CHD8: variants seen among roughly 807,000 people sequenced by gnomAD.
CHD8 encodes chromodomain helicase DNA binding protein 8, also known as ATP-dependent chromatin remodeler CHD8.
In CHD8, 31 loss-of-function variants were observed where a neutral mutation model predicts 279.2. The ratio of observed to expected loss-of-function variants is 0.11; its 90% CI spans 0.08 to 0.15. The LOEUF (loss-of-function observed/expected upper bound fraction) is 0.15, where lower values mean the gene tolerates loss of function less well. CHD8 is among the 10% of genes least tolerant of loss of function. The pLI is 1.00. For missense variants in CHD8, 2,146 were observed against 3,230.5 expected (o/e 0.66, Z 8.14); for synonymous variants, 1,081 against 1,139.6 (o/e 0.95, Z 1.04).
At chr14:21,444,218 A>G (rs886917889) in intron 1 of CHD8, among the ~76,000 whole-genome samples, 1 of 152,270 alleles carries the variant, frequency 6.6e-6, no homozygotes, top group South Asian at 2.1e-4. Flanking sequence ...TGCTTGACAC[A>G]TAACCACTAA....
At chr14:21,444,580 G>A (rs768323485) in intron 1 of CHD8, among the ~76,000 whole-genome samples, 17 of 152,050 alleles carry the variant, frequency 1.1e-4, no homozygotes, top group South Asian at 2.1e-4. Flanking sequence ...CACTCTAAAG[G>A]ATCCAAGGAA....
At chr14:21,427,307 A>G (rs1156756654) in intron 4 of CHD8, 3 of 468,708 alleles carry the variant, frequency 6.4e-6, no homozygotes, top group Non-Finnish European at 6.1e-6. Flanking sequence ...CCATCCCAAT[A>G]GCAAGGAGCA....
chr14:21,391,447 T>C lies in CHD8; in HGVS notation c.7065+16A>G. The C allele has an allele frequency of 6.2e-7, 1 of 1,611,676 alleles. No homozygotes were observed. The highest frequency in any genetic ancestry group is 8.5e-7 in the Non-Finnish European group (1 of 1,178,698). ...AGGAATGACTTTAAATCTTGCTGGA[T>C]GGGACTGCCACTCACCGCTAGAAAT... On this transcript the variant is annotated intron_variant, in intron 36 of 37. Transcript: ENST00000646647.
At chr14:21,452,430 G>A (rs1454135777) in intron 1 of CHD8, among the ~76,000 whole-genome samples, 2 of 152,064 alleles carry the variant, frequency 1.3e-5, no homozygotes, top group African/African-American at 2.4e-5. Context: ...ATCAGCCTGA[G>A]GTCAGGAGTT....
At position 21,392,686 on chromosome 14, in the gene CHD8, G is replaced by C. The variant is rs966821898; in HGVS notation, c.6592C>G (p.Leu2198Val). 2 of 1,613,896 alleles carry C rather than the reference G, an allele frequency of 1.2e-6. No individual in the cohort carries two copies. Among genetic ancestry groups the C allele is most frequent in the Non-Finnish European group, 1.7e-6 (2 of 1,179,908 alleles). ...GGILGPGNHL[L>V]DSPSLTPGEY... ...CCAGGAGTCAATGAGGGACTGTCTAGCAAGTGGTTGCCTGGCCCCAAAATT... is the reference window on the plus strand; with the variant it reads ...CCAGGAGTCAATGAGGGACTGTCTACCAAGTGGTTGCCTGGCCCCAAAATT... Residue 2198 changes from leucine (L) to valine (V), a missense_variant, in exon 34 of 38, where the codon CTA becomes GTA. Coordinates refer to ENST00000646647, the MANE Select transcript of CHD8 (RefSeq NM_001170629.2).
intron 1 of CHD8, chr14:21,454,808 A>T (rs1422285960): frequency 6.6e-6 from 1 of 152,234 alleles, no homozygotes; most frequent in African/African-American, 2.4e-5. Context: ...AGTACTTGAA[A>T]TAAGTTTCTC....
chr14:21,455,830 C>T (rs932860297), intron 1 of CHD8, among the ~76,000 whole-genome samples: 1 of 152,072 alleles, frequency 6.6e-6, no homozygotes, highest in Non-Finnish European at 1.5e-5. Flanking sequence ...CGCGGCCCGG[C>T]AGCCACCCTC....
intron 1 of CHD8, among the ~76,000 whole-genome samples, chr14:21,451,553 C>T (rs1013587707): frequency 9.4e-6 from 1 of 106,846 alleles, no homozygotes; most frequent in Non-Finnish European, 1.7e-5. Flanking sequence ...GCCTGGGCAA[C>T]AGAGTGAGAC....
intron 1 of CHD8, among the ~76,000 whole-genome samples, chr14:21,449,038 G>C (rs1165756375): frequency 1.3e-5 from 2 of 152,022 alleles, no homozygotes; most frequent in African/African-American, 4.8e-5. Context: ...GCCGGGCGTG[G>C]TGGCGGGCGC....
intron 1 of CHD8, among the ~76,000 whole-genome samples, chr14:21,452,732 T>C (rs530644973): frequency 3.5e-4 from 53 of 151,646 alleles, no homozygotes; most frequent in African/African-American, 1.2e-3. Context: ...ACGCCTGTAA[T>C]CCCAGCGATT....
chr14:21,391,107 C>T (rs1042241623), intron 36 of CHD8, 44 bp from the exon 37 acceptor site: 3 of 1,194,452 alleles, frequency 2.5e-6, no homozygotes, highest in East Asian at 5.1e-5. Flanking sequence ...TAGAAATCTT[C>T]TCTGGAGTAA....
rs1358583633 is a variant in CHD8, at chr14:21,403,718, T to C, written c.3308-55A>G. On this transcript the variant is annotated intron_variant, in intron 16 of 37. Transcript: ENST00000646647. The surrounding 1 kb of genome is among the most constrained non-coding windows in gnomAD (Gnocchi z 4.3). ...GATCCAGTGAACCATATTAAGGTTG[T>C]AGTCTATTTAACTAAGAAAGCAAAA... 4.3e-6 allele frequency: 6 copies of C among 1,400,382 alleles called. No individual in the cohort carries two copies. The highest frequency in any genetic ancestry group is 2.0e-5 in the Admixed American group (1 of 49,754). 86.7% of individuals were successfully genotyped at this position (1,400,382 alleles called of 1,614,324 possible). A position where few individuals can be genotyped will look rare whatever the true frequency, so the allele number is the denominator to read the frequency against.
In CHD8 at chr14:21,406,805, A is replaced by G. The variant is rs1888272569; in HGVS notation, c.2907+51T>C. On this transcript the variant is annotated intron_variant, in intron 14 of 37. Coordinates refer to ENST00000646647, the MANE Select transcript of CHD8 (RefSeq NM_001170629.2). ...CTAGGGTTATTTTAATACCGCAAGGAATTACGGTTTATTCCAGGTGTTTCT... is the reference window on the plus strand; with the variant it reads ...CTAGGGTTATTTTAATACCGCAAGGGATTACGGTTTATTCCAGGTGTTTCT... The G allele has an allele frequency of 2.7e-6, 4 of 1,489,456 alleles. No individual in the cohort carries two copies. The East Asian group carries it at 9.1e-5, about 34-fold the overall frequency. 92.3% of individuals were successfully genotyped at this position (1,489,456 alleles called of 1,614,324 possible).
chr14:21,430,844 G>T lies in CHD8; in HGVS notation c.800C>A (p.Pro267His). 1 of 1,599,286 alleles carries T rather than the reference G, an allele frequency of 6.3e-7. No individual in the cohort carries two copies. The highest frequency in any genetic ancestry group is 8.5e-7 in the Non-Finnish European group (1 of 1,179,676). Residue 267 changes from proline to histidine, a missense_variant, in exon 2 of 38, where the codon CCC becomes CAC. Physicochemically the swap from Pro to His is moderately conservative, Grantham distance 77 (BLOSUM62 -2). This residue lies in a region of CHD8 where 302 missense variants were observed against 325.5 expected (regional missense o/e 0.93). Transcript: ENST00000646647. ...APAGNPGATGPPLKPAVTLTS... is the reference protein window; with the variant it reads ...APAGNPGATGHPLKPAVTLTS... The stretch of plus-strand genomic sequence containing the variant: ...CAGTGTAACTGCAGGCTTCAGTGGG[G>T]GCCCTGTGGCCCCAGGGTTTCCAGC...
chr14:21,447,528 C>T (rs754869957), intron 1 of CHD8, among the ~76,000 whole-genome samples: 12 of 152,052 alleles, frequency 7.9e-5, no homozygotes, highest in East Asian at 1.9e-4. Context: ...CGCACCACCA[C>T]GTCTAGCTAA....
At chr14:21,393,441 G>T in intron 32 of CHD8, 35 bp downstream of exon 32, 1 of 1,519,160 alleles carries the variant, frequency 6.6e-7, no homozygotes, top group South Asian at 1.3e-5. Context: ...GGGGGAAATA[G>T]GGAAGGGGGC....
Position 21,426,213 on chromosome 14 carries a change from C to T in CHD8, c.1631G>A (p.Arg544Lys). The change falls in exon 5 of 38, where the codon AGA becomes AAA. Residue 544 changes from arginine (R) to lysine (K), a missense_variant. By Grantham distance (26) the Arg-to-Lys change is conservative. Coordinates refer to ENST00000646647, the MANE Select transcript of CHD8 (RefSeq NM_001170629.2). ...NTITPVVGKK[R>K]KRNTSSDNSD... is the part of the protein sequence containing the mutation. The stretch of plus-strand genomic sequence containing the variant: ...ATTATCAGATGAGGTATTACGTTTT[C>T]TCTTCTTACCCACTACAGGAGTGAT... The T allele has an allele frequency of 6.2e-7, 1 of 1,608,404 alleles. No individual in the cohort carries two copies. Among genetic ancestry groups the T allele is most frequent in the Non-Finnish European group, 8.5e-7 (1 of 1,175,430 alleles).
chr14:21,420,414 CAGGACT>C (rs1258805377), intron 5 of CHD8, among the ~76,000 whole-genome samples: 6 of 152,054 alleles, frequency 3.9e-5, no homozygotes. Flanking sequence ...CAAAGGCGGG[CAGGACT>C]AGAGTGGAAG....
intron 13 of CHD8, among the ~76,000 whole-genome samples, chr14:21,407,984 A>G (rs1888325954): frequency 1.3e-5 from 2 of 152,206 alleles, no homozygotes; most frequent in Non-Finnish European, 1.5e-5. Flanking sequence ...TCACCACCGC[A>G]TGGATTAAGT....
Sources: gnomAD v4.1 joint callset for allele counts (sites outside exome capture counted in the v4.1 genomes callset) on GRCh38, gnomAD v4.1.1 for gene constraint, gnomAD v4.1.1 regional missense constraint, Gnocchi (gnomAD v3.1) non-coding constraint, MANE v1.5 for transcripts, NCBI Gene and HGNC (gene_info 2026-07-23, HGNC 2026-07-21) for gene names.